The following ENTREP2 variants were observed in gnomAD, a reference collection of about 807,000 sequenced individuals.
ENTREP2 encodes protein ENTREP2.
the ENTREP2 span, among the ~76,000 whole-genome samples, chr15:29,427,668 T>C: frequency 6.6e-6 from 1 of 152,126 alleles, no homozygotes. Context: ...CCCTTGTGAC[T>C]ACCTTGAACC....
At chr15:29,331,437 G>A in the ENTREP2 span, among the ~76,000 whole-genome samples, 10 of 152,172 alleles carry the variant, frequency 6.6e-5, no homozygotes, top group Admixed American at 4.6e-4. Flanking sequence ...GGGGCCTCTC[G>A]ATGGGCACTA....
the ENTREP2 span, among the ~76,000 whole-genome samples, chr15:29,293,519 G>A: frequency 6.6e-6 from 1 of 151,990 alleles, no homozygotes; most frequent in East Asian, 1.9e-4. Context: ...GCCTCCCAAA[G>A]TGCTGGGATT....
chr15:29,478,174 G>A, the ENTREP2 span, among the ~76,000 whole-genome samples: 6 of 150,972 alleles, frequency 4.0e-5, no homozygotes, highest in Non-Finnish European at 8.9e-5. Flanking sequence ...ACAGGCGCCC[G>A]TCACCACGCC....
the ENTREP2 span, among the ~76,000 whole-genome samples, chr15:29,216,547 C>G: frequency 6.6e-6 from 1 of 152,110 alleles, no homozygotes; most frequent in Non-Finnish European, 1.5e-5. Context: ...CTCTATTACT[C>G]CCCCAAATAT....
At chr15:29,487,025 G>C in the ENTREP2 span, among the ~76,000 whole-genome samples, 3 of 152,212 alleles carry the variant, frequency 2.0e-5, no homozygotes, top group South Asian at 2.1e-4. Flanking sequence ...TTCTCAAAAA[G>C]CTAGAATAGA....
At chr15:29,154,419 CTTCATT>C in the ENTREP2 span, among the ~76,000 whole-genome samples, 1 of 151,546 alleles carries the variant, frequency 6.6e-6, no homozygotes, top group Admixed American at 6.6e-5. Flanking sequence ...GCAATATAGC[CTTCATT>C]GAGAAGCTTA....
chr15:29,123,498 C>T, the ENTREP2 span: 3,088 of 1,551,708 alleles, frequency 2.0e-3, 40 homozygotes, highest in African/African-American at 0.03. Flanking sequence ...CCCTGGCATC[C>T]GCATAGGCCT....
chr15:29,389,250 C>T, the ENTREP2 span, among the ~76,000 whole-genome samples: 53 of 152,024 alleles, frequency 3.5e-4, no homozygotes, highest in African/African-American at 1.2e-3. Context: ...TCACAAACTG[C>T]GAGAAAATAA....
chr15:29,161,376 G>C, the ENTREP2 span, among the ~76,000 whole-genome samples: 1 of 152,196 alleles, frequency 6.6e-6, no homozygotes, highest in Admixed American at 6.5e-5. Flanking sequence ...TGAGACCCCA[G>C]GGCATGGGGA....
At chr15:29,388,540 T>C in the ENTREP2 span, among the ~76,000 whole-genome samples, 2 of 152,158 alleles carry the variant, frequency 1.3e-5, no homozygotes, top group Non-Finnish European at 1.5e-5. Context: ...AGTTCAACCA[T>C]TGTGGAAGAC....
At chr15:29,209,363 G>A in the ENTREP2 span, among the ~76,000 whole-genome samples, 2 of 152,094 alleles carry the variant, frequency 1.3e-5, no homozygotes, top group East Asian at 1.9e-4. Flanking sequence ...TTAGCTGGGC[G>A]TGGTGGTGGG....
At chr15:29,639,302 C>T in the ENTREP2 span, among the ~76,000 whole-genome samples, 2 of 152,180 alleles carry the variant, frequency 1.3e-5, no homozygotes, top group Non-Finnish European at 2.9e-5. Context: ...CTCTCTGTTA[C>T]ACAAAATTGT....
the ENTREP2 span, among the ~76,000 whole-genome samples, chr15:29,241,047 T>G: frequency 5.3e-4 from 81 of 152,356 alleles, 1 homozygote; most frequent in Non-Finnish European, 1.1e-3. Flanking sequence ...AATTTCTAGT[T>G]TCTGTGACAA....
At chr15:29,363,077 A>C in the ENTREP2 span, among the ~76,000 whole-genome samples, 1 of 152,168 alleles carries the variant, frequency 6.6e-6, no homozygotes, top group Non-Finnish European at 1.5e-5. Flanking sequence ...GATCTGTACA[A>C]ATATGTTTTC....
At chr15:29,394,890 T>C in the ENTREP2 span, among the ~76,000 whole-genome samples, 6 of 125,554 alleles carry the variant, frequency 4.8e-5, no homozygotes, top group Admixed American at 7.8e-5. Context: ...CTCTTTTTTT[T>C]TTTTTTTTTT....
At chr15:29,501,075 A>G in the ENTREP2 span, among the ~76,000 whole-genome samples, 1 of 152,088 alleles carries the variant, frequency 6.6e-6, no homozygotes, top group African/African-American at 2.4e-5. Flanking sequence ...AAATCTTTCA[A>G]TGAGGAAAGC....
At chr15:29,447,104 A>G in the ENTREP2 span, among the ~76,000 whole-genome samples, 61 of 152,348 alleles carry the variant, frequency 4.0e-4, no homozygotes, top group Non-Finnish European at 6.5e-4. Context: ...GCCAACCACA[A>G]ATTCTTACAG....
the ENTREP2 span, among the ~76,000 whole-genome samples, chr15:29,417,335 G>C: frequency 0.011 from 1,718 of 152,254 alleles, 31 homozygotes; most frequent in African/African-American, 0.04. Flanking sequence ...ATGAGTTCTT[G>C]TCCTTTGTAG....
At chr15:29,268,296 T>C in the ENTREP2 span, 1 of 152,888 alleles carries the variant, frequency 6.5e-6, no homozygotes, top group African/African-American at 2.4e-5. Flanking sequence ...CACTCATTGC[T>C]TGGAACCATG....
Sources: allele counts gnomAD v4.1 joint callset (sites outside exome capture counted in the v4.1 genomes callset), GRCh38; gene constraint gnomAD v4.1.1; transcripts MANE v1.5; gene names NCBI Gene and HGNC (gene_info 2026-07-23, HGNC 2026-07-21).